The following TNFRSF10D variants were observed in gnomAD, a reference collection of about 807,000 sequenced individuals.
The protein encoded by TNFRSF10D is tumor necrosis factor receptor superfamily member 10D.
TNFRSF10D carries 28 observed loss-of-function variants against 42.1 expected under a neutral mutation model. That is an observed-to-expected ratio of 0.66 (90% CI 0.49 to 0.91). The LOEUF (loss-of-function observed/expected upper bound fraction) is 0.91, where lower values mean the gene tolerates loss of function less well. Among genes scored for constraint, TNFRSF10D ranks in the 40% least tolerant of loss-of-function variants. TNFRSF10D has a pLI of 0.00. For missense variants in TNFRSF10D, 503 were observed against 486.1 expected, an observed-to-expected ratio of 1.03 and a Z score of -0.33; for synonymous variants, 186 against 189.4, an observed-to-expected ratio of 0.98 and a Z score of 0.15.
intron 2 of TNFRSF10D, among the ~76,000 whole-genome samples, 180 bp from the exon 3 acceptor site, chr8:23,148,731 T>C (rs756452003): frequency 1.1e-4 from 17 of 152,148 alleles, no homozygotes; most frequent in Non-Finnish European, 2.2e-4. Context: ...TGACTGGCAC[T>C]GCTGACAGAA....
chr8:23,161,389 TG>T (rs1283965576), intron 1 of TNFRSF10D, among the ~76,000 whole-genome samples: 1 of 152,204 alleles, frequency 6.6e-6, no homozygotes, highest in Non-Finnish European at 1.5e-5. Context: ...TCACACAGAT[TG>T]GAACAGTCCA....
At chr8:23,145,459 G>T (rs1028383364) in intron 5 of TNFRSF10D, among the ~76,000 whole-genome samples, 6 of 152,148 alleles carry the variant, frequency 3.9e-5, no homozygotes, top group Admixed American at 3.9e-4. Context: ...GGAGATGAGG[G>T]GTCCCCCAGC....
intron 2 of TNFRSF10D, 37 bp downstream of exon 2, chr8:23,154,837 A>G: frequency 6.4e-7 from 1 of 1,559,642 alleles, no homozygotes; most frequent in South Asian, 1.2e-5. Context: ...TTATCTGTCA[A>G]CTAAAAATAA....
At chr8:23,144,280 C>G (rs879293610) in intron 7 of TNFRSF10D, among the ~76,000 whole-genome samples, 170 bp downstream of exon 7, 3 of 152,208 alleles carry the variant, frequency 2.0e-5, no homozygotes, top group Non-Finnish European at 2.9e-5. Flanking sequence ...GTCCTGCAGA[C>G]TGGCACGGTC....
Position 23,144,431 on chromosome 8 carries a change from C to T in TNFRSF10D, c.954+19G>A. ...TGCAGGCTGCACGCCAGGCAGGGCA[C>T]AGTCCCTCCTCAACTCACCAGCAGA... On this transcript the variant is annotated intron_variant, in intron 7 of 8. Coordinates refer to ENST00000312584, the MANE Select transcript of TNFRSF10D (RefSeq NM_003840.5). 1 of 1,610,234 alleles carries T rather than the reference C, an allele frequency of 6.2e-7. No homozygotes were observed. The highest frequency in any genetic ancestry group is 1.1e-5 in the South Asian group (1 of 90,636).
At chr8:23,142,968 T>G (rs1159582677) in intron 7 of TNFRSF10D, among the ~76,000 whole-genome samples, 2 of 148,234 alleles carry the variant, frequency 1.3e-5, no homozygotes, top group African/African-American at 4.9e-5. Flanking sequence ...AGCACCTTTG[T>G]TTTTTTTTTG....
intron 7 of TNFRSF10D, among the ~76,000 whole-genome samples, chr8:23,139,129 T>C (rs1814398990): frequency 6.6e-6 from 1 of 152,212 alleles, no homozygotes; most frequent in Non-Finnish European, 1.5e-5. Flanking sequence ...GGAGGAATGT[T>C]AAAAACATAG....
chr8:23,157,012 G>A (rs1800290301), intron 1 of TNFRSF10D, among the ~76,000 whole-genome samples: 1 of 151,434 alleles, frequency 6.6e-6, no homozygotes, highest in African/African-American at 2.4e-5. Context: ...TTCTTTTTTT[G>A]ACAGCTTTAA....
chr8:23,163,089 CTTTTTTT>C (rs59385093), intron 1 of TNFRSF10D, among the ~76,000 whole-genome samples: 6 of 57,202 alleles, frequency 1.0e-4, no homozygotes, highest in South Asian at 9.1e-4. Context: ...GCCTGGCTAA[CTTTTTTT>C]TTTTTTTTTT....
intron 2 of TNFRSF10D, among the ~76,000 whole-genome samples, chr8:23,148,956 C>A (rs1372514584): frequency 1.3e-4 from 20 of 151,478 alleles, no homozygotes; most frequent in African/African-American, 3.6e-4. Context: ...TTAGGGAGGC[C>A]AAGGCGGACG....
At position 23,146,236 on chromosome 8, in the gene TNFRSF10D, A is replaced by G. The variant is rs559187742; in HGVS notation, c.483-315T>C. On this transcript the variant is annotated intron_variant, in intron 4 of 8. Coordinates refer to ENST00000312584, the MANE Select transcript of TNFRSF10D (RefSeq NM_003840.5). The stretch of plus-strand genomic sequence containing the variant: ...AGGAGGAGCCGCACTCCAGGGGAAG[A>G]TCACAAGCCCCTGTGGCCACAAGCT... Among the ~76,000 whole-genome samples, 6 of 152,304 alleles carry G rather than the reference A, an allele frequency of 3.9e-5. No homozygotes were observed. The East Asian group carries it at 5.8e-4, about 15-fold the overall frequency.
At chr8:23,152,628 A>G (rs1360783059) in intron 2 of TNFRSF10D, among the ~76,000 whole-genome samples, 1 of 152,270 alleles carries the variant, frequency 6.6e-6, no homozygotes, top group Non-Finnish European at 1.5e-5. Flanking sequence ...GGGCCTAAAA[A>G]TGGATGTCAA....
chr8:23,163,972 C>A lies in TNFRSF10D; in HGVS notation c.-37G>T. On this transcript the variant is annotated 5_prime_UTR_variant, in exon 1 of 9. Coordinates refer to ENST00000312584, the MANE Select transcript of TNFRSF10D (RefSeq NM_003840.5). ...AGGGTGGATCGAAAGCGCCAAAAATCAATCAGAAATCGTCCCCGTAGTTTG... is the reference window on the plus strand; with the variant it reads ...AGGGTGGATCGAAAGCGCCAAAAATAAATCAGAAATCGTCCCCGTAGTTTG... The A allele has an allele frequency of 6.5e-7, 1 of 1,528,300 alleles. No homozygotes were observed. The highest frequency in any genetic ancestry group is 8.8e-7 in the Non-Finnish European group (1 of 1,141,494). 94.7% of individuals were successfully genotyped at this position (1,528,300 alleles called of 1,614,324 possible).
At chr8:23,148,072 A>C (rs1300879449) in intron 3 of TNFRSF10D, among the ~76,000 whole-genome samples, 7 of 148,112 alleles carry the variant, frequency 4.7e-5, no homozygotes, top group Non-Finnish European at 9.0e-5. Context: ...CTCCCAAAAA[A>C]AAAAAAAAAA....
chr8:23,140,103 C>G (rs1442432788), intron 7 of TNFRSF10D, among the ~76,000 whole-genome samples: 1 of 152,172 alleles, frequency 6.6e-6, no homozygotes, highest in Non-Finnish European at 1.5e-5. Context: ...TCCTGGCTAA[C>G]ACGGTGAAAC....
chr8:23,162,991 G>C lies in TNFRSF10D; in HGVS notation c.150+795C>G, dbSNP rs554518713. 4.6e-5 allele frequency among the ~76,000 whole-genome samples: 7 copies of C among 151,944 alleles called. No individual in the cohort carries two copies. In the East Asian group the frequency reaches 9.7e-4, roughly 21 times the overall value. On this transcript the variant is annotated intron_variant, in intron 1 of 8. Transcript: ENST00000312584. ...GGCTGGAGTGCAGTGGTGCAATCTC[G>C]GCTCACTGCAACCTCTGCCTCCCGG...
rs117916418 is a variant in TNFRSF10D, at chr8:23,137,581, A to G, written c.*289T>C. ...CAGCCTATCAAAGTGCTGGGATTAC[A>G]GGCATGAGCCACCGCATGTGGCCTA... On this transcript the variant is annotated 3_prime_UTR_variant, in exon 9 of 9. Transcript: ENST00000312584. 223 of 242,328 alleles carry G rather than the reference A, an allele frequency of 9.2e-4. 4 individuals are homozygous for G. The East Asian group carries it at 0.019, about 20-fold the overall frequency. 15.0% of individuals were successfully genotyped at this position (242,328 alleles called of 1,614,324 possible). A position where few individuals can be genotyped will look rare whatever the true frequency, so the allele number is the denominator to read the frequency against.
intron 1 of TNFRSF10D, among the ~76,000 whole-genome samples, chr8:23,158,388 C>A (rs534458273): frequency 1.3e-5 from 2 of 152,286 alleles, no homozygotes; most frequent in East Asian, 3.9e-4. Flanking sequence ...TTTTCTTGGC[C>A]TTACACTCTG....
intron 1 of TNFRSF10D, 33 bp from the exon 2 acceptor site, chr8:23,155,012 G>C: frequency 6.5e-7 from 1 of 1,546,480 alleles, no homozygotes; most frequent in Non-Finnish European, 8.8e-7. Context: ...GGCTTGAGTG[G>C]CTTCCAGACC....
Sources: allele counts gnomAD v4.1 joint callset (sites outside exome capture counted in the v4.1 genomes callset), GRCh38; gene constraint gnomAD v4.1.1; transcripts MANE v1.5; gene names NCBI Gene and HGNC (gene_info 2026-07-23, HGNC 2026-07-21).